Variants in SCRG1 observed in about 807,000 individuals in gnomAD.
The protein encoded by SCRG1 is scrapie-responsive protein 1.
Under a neutral mutation model 7.7 loss-of-function variants are expected in SCRG1, and 3 were observed. That is an observed-to-expected ratio of 0.39 (90% confidence interval 0.18 to 1.01). The LOEUF is 1.01. SCRG1 is among the 50% of genes least tolerant of loss of function. The pLI is 0.36. For synonymous variants in SCRG1, 46 were observed against 41.2 expected (o/e 1.12, Z -0.44); for missense variants, 110 against 117.2 (o/e 0.94, Z 0.28).
the SCRG1 span, among the ~76,000 whole-genome samples, chr4:173,453,192 G>A: frequency 6.6e-6 from 1 of 152,340 alleles, no homozygotes; most frequent in Middle Eastern, 3.4e-3. Flanking sequence ...GTCTTAATGG[G>A]CAGCAGGCAT....
chr4:173,386,591 A>T lies in SCRG1; in HGVS notation c.*1750T>A, dbSNP rs1233271585. The T allele has an allele frequency of 6.6e-6, 1 of 152,214 alleles. No homozygotes were observed. Among genetic ancestry groups the T allele is most frequent in the South Asian group, 2.1e-4 (1 of 4,826 alleles). 9.4% of individuals were successfully genotyped at this position (152,214 alleles called of 1,614,324 possible). A position where few individuals can be genotyped will look rare whatever the true frequency, so the allele number is the denominator to read the frequency against. On this transcript the variant is annotated 3_prime_UTR_variant, in exon 3 of 3. Coordinates refer to ENST00000296506, the MANE Select transcript of SCRG1 (RefSeq NM_007281.4). ...GCCCAGTAACACTTACTAAACACAG[A>T]TTAGATACCAGATACTGTTCTGGGT...
At chr4:173,492,708 C>T in the SCRG1 span, among the ~76,000 whole-genome samples, 1 of 152,228 alleles carries the variant, frequency 6.6e-6, no homozygotes, top group African/African-American at 2.4e-5. Context: ...TAACTGGCCA[C>T]TGCCCATACT....
chr4:173,419,086 T>C, the SCRG1 span, among the ~76,000 whole-genome samples: 1 of 152,216 alleles, frequency 6.6e-6, no homozygotes, highest in Non-Finnish European at 1.5e-5. Flanking sequence ...TCTCACCTCC[T>C]TCAAGGCTTT....
At chr4:173,482,480 T>G in the SCRG1 span, among the ~76,000 whole-genome samples, 1 of 152,080 alleles carries the variant, frequency 6.6e-6, no homozygotes, top group Non-Finnish European at 1.5e-5. Context: ...TGTCCATTGA[T>G]CTGGGCTGGC....
chr4:173,455,984 G>A, the SCRG1 span, among the ~76,000 whole-genome samples: 53 of 152,104 alleles, frequency 3.5e-4, no homozygotes, highest in Non-Finnish European at 5.4e-4. Flanking sequence ...AATAAAGGAT[G>A]GAAACCACGA....
the SCRG1 span, among the ~76,000 whole-genome samples, chr4:173,483,276 T>TC: frequency 0.011 from 486 of 43,146 alleles, 16 homozygotes; most frequent in African/African-American, 0.022. Context: ...ATATGATATA[T>TC]AATATATGAT....
At chr4:173,508,271 C>T in the SCRG1 span, among the ~76,000 whole-genome samples, 2 of 152,186 alleles carry the variant, frequency 1.3e-5, no homozygotes, top group African/African-American at 4.8e-5. The surrounding 1 kb of genome is among the most constrained non-coding windows in gnomAD (Gnocchi z 4.4). Context: ...TATGAAACAA[C>T]CTATCAACCC....
the SCRG1 span, among the ~76,000 whole-genome samples, chr4:173,487,523 G>A: frequency 6.6e-6 from 1 of 152,130 alleles, no homozygotes; most frequent in African/African-American, 2.4e-5. Flanking sequence ...TGCTCTTGAT[G>A]GGTTTCCTTA....
chr4:173,500,825 G>C, the SCRG1 span, among the ~76,000 whole-genome samples: 1 of 150,096 alleles, frequency 6.7e-6, no homozygotes, highest in Non-Finnish European at 1.5e-5. Flanking sequence ...ATCTTGGGGA[G>C]TTTATTAAAT....
the SCRG1 span, among the ~76,000 whole-genome samples, chr4:173,453,296 A>G: frequency 2.0e-5 from 3 of 152,254 alleles, no homozygotes; most frequent in South Asian, 6.2e-4. Context: ...GAATAAACGC[A>G]GTCAGTATCC....
the SCRG1 span, chr4:173,468,156 T>C: frequency 1.3e-5 from 2 of 152,510 alleles, no homozygotes; most frequent in African/African-American, 4.8e-5. Flanking sequence ...TCCCATAAGA[T>C]TATACTGCTG....
the SCRG1 span, among the ~76,000 whole-genome samples, chr4:173,436,864 A>G: frequency 3.3e-5 from 5 of 152,136 alleles, no homozygotes; most frequent in South Asian, 6.2e-4. Context: ...ACTCCTCTCC[A>G]GTTTTTTCCC....
chr4:173,489,799 T>C, the SCRG1 span, among the ~76,000 whole-genome samples: 7 of 152,216 alleles, frequency 4.6e-5, no homozygotes, highest in Non-Finnish European at 1.0e-4. Context: ...TTGAATGCCA[T>C]TGGAATGCAA....
At chr4:173,448,274 C>T in the SCRG1 span, among the ~76,000 whole-genome samples, 1 of 152,232 alleles carries the variant, frequency 6.6e-6, no homozygotes, top group African/African-American at 2.4e-5. Context: ...GAGGCATCTG[C>T]TGGCCTGGCC....
chr4:173,467,686 T>C, the SCRG1 span: 1 of 152,336 alleles, frequency 6.6e-6, no homozygotes, highest in East Asian at 1.9e-4. Context: ...TTAGTATCTC[T>C]AGGCTAACTG....
At chr4:173,436,643 C>T in the SCRG1 span, among the ~76,000 whole-genome samples, 5 of 151,998 alleles carry the variant, frequency 3.3e-5, no homozygotes, top group Admixed American at 1.3e-4. Flanking sequence ...TATATACTGC[C>T]CATTAAAGTG....
the SCRG1 span, among the ~76,000 whole-genome samples, chr4:173,463,603 A>G: frequency 1.3e-5 from 2 of 152,202 alleles, no homozygotes; most frequent in African/African-American, 4.8e-5. Context: ...TGAGGGAAGG[A>G]ACCTGAACTG....
the SCRG1 span, among the ~76,000 whole-genome samples, chr4:173,515,586 C>CTG: frequency 0.41 from 61,885 of 150,632 alleles, 13,043 homozygotes; most frequent in Admixed American, 0.53. This position sits in a 1 kb window ranked among gnomAD's most constrained non-coding sequence, Gnocchi z 4.6. Context: ...GTGTGTGTGT[C>CTG]TGTGTGTGTG....
chr4:173,474,099 A>G, the SCRG1 span, among the ~76,000 whole-genome samples: 1 of 152,118 alleles, frequency 6.6e-6, no homozygotes, highest in Non-Finnish European at 1.5e-5. Context: ...GGAATCCAGG[A>G]GGCAGAGGTT....
Sources: allele counts gnomAD v4.1 joint callset (sites outside exome capture counted in the v4.1 genomes callset), GRCh38; gene constraint gnomAD v4.1.1; non-coding constraint Gnocchi (gnomAD v3.1); transcripts MANE v1.5; gene names NCBI Gene and HGNC (gene_info 2026-07-23, HGNC 2026-07-21).